The following NOTUM variants were observed in gnomAD, a reference collection of about 807,000 sequenced individuals.
The protein encoded by NOTUM is palmitoleoyl-protein carboxylesterase NOTUM.
NOTUM carries 36 observed loss-of-function variants against 65.5 expected under a neutral mutation model. That is an observed-to-expected ratio of 0.55 (90% CI 0.42 to 0.73). The LOEUF (loss-of-function observed/expected upper bound fraction) is 0.73. NOTUM is among the 30% of genes least tolerant of loss of function. The probability of loss-of-function intolerance (pLI) is 0.00; values close to 1 mark genes in which losing one functional copy is unlikely to be tolerated. For synonymous variants in NOTUM, 356 were observed against 297.9 expected (o/e 1.20, Z -2.01); for missense variants, 659 against 694.2 (o/e 0.95, Z 0.57).
chr17:81,956,780 G>A (rs373215256), intron 7 of NOTUM, 30 bp from the exon 8 acceptor site: 27 of 1,602,304 alleles, frequency 1.7e-5, no homozygotes, highest in East Asian at 2.2e-5. Context: ...TTAGGCTGCC[G>A]TGGGTCTCGT....
Position 81,957,071 on chromosome 17 carries a change from C to T in NOTUM, c.699G>A (p.Ala233=), listed in dbSNP as rs371282489. ...CATTCAGGAGCACCCCGGTGCCCCC[C>T]GCGCTGCAAGGAGGGCCAGACGTGA... ...AKVLLLAGSS[A]GGTGVLLNVD... The change falls in exon 7 of 11, where the codon GCG becomes GCA. Residue 233 remains alanine (A), a synonymous_variant. Coordinates refer to ENST00000409678, the MANE Select transcript of NOTUM (RefSeq NM_178493.6). 20 of 1,598,326 alleles carry T rather than the reference C, an allele frequency of 1.3e-5. No homozygotes were observed. Among genetic ancestry groups the T allele is most frequent in the Admixed American group, 1.7e-5 (1 of 59,704 alleles).
At chr17:81,957,971 A>G (rs1348496392) in intron 5 of NOTUM, 63 bp from the exon 6 acceptor site, 1 of 1,227,892 alleles carries the variant, frequency 8.1e-7, no homozygotes, top group Non-Finnish European at 1.2e-6. Flanking sequence ...CTCCTACCCC[A>G]GAATGGCTGG....
intron 10 of NOTUM, among the ~76,000 whole-genome samples, chr17:81,953,857 C>T (rs577568048): frequency 1.3e-5 from 2 of 151,744 alleles, no homozygotes; most frequent in Non-Finnish European, 1.5e-5. Context: ...TCTCGACTCA[C>T]CATAACCTCT....
At chr17:81,959,411 CG>C in intron 3 of NOTUM, 59 bp downstream of exon 3, 1 of 1,305,128 alleles carries the variant, frequency 7.7e-7, no homozygotes, top group South Asian at 1.3e-5. Context: ...CTCCAGGAGG[CG>C]GGCGCGGCTT....
At position 81,956,419 on chromosome 17, in the gene NOTUM, C is replaced by T. The variant is rs566370220; in HGVS notation, c.988+231G>A. Among the ~76,000 whole-genome samples the T allele has an allele frequency of 5.3e-5, 8 of 152,178 alleles. No homozygotes were observed. The East Asian group carries it at 1.4e-3, about 26-fold the overall frequency. ...GAGGGCAGGCAAGTCCCAGGCATGC[C>T]GCAGCGACTAGGCCCCCTGGCACAC... On this transcript the variant is annotated intron_variant, in intron 8 of 10. Transcript: ENST00000409678.
chr17:81,957,589 G>C (rs2041443068), intron 6 of NOTUM, among the ~76,000 whole-genome samples: 1 of 152,256 alleles, frequency 6.6e-6, no homozygotes, highest in South Asian at 2.1e-4. Flanking sequence ...CCTCTGGACA[G>C]TGTCTGGTTA....
intron 5 of NOTUM, 145 bp downstream of exon 5, chr17:81,958,190 T>C (rs911725438): frequency 3.7e-5 from 25 of 668,232 alleles, no homozygotes; most frequent in African/African-American, 3.5e-4. Context: ...TCAAGGGCTT[T>C]GAAAGCACGA....
chr17:81,954,948 TCTCTCTCTCTC>T (rs1249610373), intron 9 of NOTUM, among the ~76,000 whole-genome samples: 10 of 115,524 alleles, frequency 8.7e-5, no homozygotes, highest in Admixed American at 1.7e-4. Context: ...TCTCTCTCTC[TCTCTCTCTCTC>T]CTCTCTCTCT....
chr17:81,956,589 A>C, intron 8 of NOTUM, 61 bp downstream of exon 8: 1 of 1,186,178 alleles, frequency 8.4e-7, no homozygotes, highest in East Asian at 2.4e-5. Context: ...CTGGATTTTC[A>C]GAAGCAAGGA....
rs777755808 is a variant in NOTUM at position 81,957,871 on chromosome 17, C to A, written c.630G>T (p.Glu210Asp). The A allele has an allele frequency of 6.2e-7, 1 of 1,609,056 alleles. No homozygotes were observed. Among genetic ancestry groups the A allele is most frequent in the Non-Finnish European group, 8.5e-7 (1 of 1,178,296 alleles). ...CTCTGCCCAGAAGCTCCCGCACCAC[C>A]TCCTGGATGATGAGGGCGCCCATGA... ...YAFMGALIIQEVVRELLGRGL... is the reference protein window; with the variant it reads ...YAFMGALIIQDVVRELLGRGL... The change falls in exon 6 of 11, where the codon GAG becomes GAT. Residue 210 changes from glutamate to aspartate, a missense_variant. Transcript: ENST00000409678.
intron 3 of NOTUM, 41 bp from the exon 4 acceptor site, chr17:81,959,036 G>A (rs960690715): frequency 1.3e-6 from 2 of 1,564,370 alleles, no homozygotes; most frequent in Non-Finnish European, 1.8e-6. Context: ...GCGGGAGGAG[G>A]CTGTGTAGGG....
chr17:81,957,718 C>G (rs2041443888), intron 6 of NOTUM, 88 bp downstream of exon 6: 1 of 915,882 alleles, frequency 1.1e-6, no homozygotes, highest in Non-Finnish European at 1.7e-6. Context: ...CCATCCTCGC[C>G]TCTCATACAA....
rs372796051 is a variant in NOTUM, at chr17:81,958,967, C to T, written c.501G>A (p.Glu167=). Residue 167 remains glutamate, a synonymous_variant, in exon 4 of 11, where the codon GAG becomes GAA. Coordinates refer to ENST00000409678, the MANE Select transcript of NOTUM (RefSeq NM_178493.6). ...TTGCGTTCCACCAGTAGGGGTTCTC[C>T]TCCGGCTGTGAGGACAGGATCCCTG... ...TGTGILSSQP[E]ENPYWWNANM... 44 of 1,613,060 alleles carry T rather than the reference C, an allele frequency of 2.7e-5. No individual in the cohort carries two copies. The highest frequency in any genetic ancestry group is 3.6e-5 in the Non-Finnish European group (42 of 1,179,838).
Position 81,960,981 on chromosome 17 carries a change from G to A in NOTUM, c.-72C>T, listed in dbSNP as rs1179292485. ...CGGCGGCGGGGGATGCCGGGCCGGG[G>A]GTGCCGGGCCGGGGGTGTCGGGGGC... On this transcript the variant is annotated 5_prime_UTR_variant, in exon 1 of 11. Coordinates refer to ENST00000409678, the MANE Select transcript of NOTUM (RefSeq NM_178493.6). The surrounding 1 kb of genome is among the most constrained non-coding windows in gnomAD (Gnocchi z 6.4). The A allele has an allele frequency of 4.7e-6, 4 of 853,432 alleles. No homozygotes were observed. The highest frequency in any genetic ancestry group is 6.0e-6 in the Non-Finnish European group (4 of 671,302). The allele number at this position is 853,432 out of a possible 1,614,324, so 52.9% of individuals were successfully genotyped here.
In NOTUM at chr17:81,957,040, G is replaced by A; in HGVS notation, c.730C>T (p.Arg244Cys). ...GGTGVLLNVDRVAEQLEKLGY... is the reference protein window; with the variant it reads ...GGTGVLLNVDCVAEQLEKLGY... ...AGCTTCTCCAGCTGCTCAGCCACAC[G>A]GTCCACATTCAGGAGCACCCCGGTG... Residue 244 changes from arginine (R) to cysteine (C), a missense_variant, in exon 7 of 11, where the codon CGT becomes TGT. By Grantham distance (180) the Arg-to-Cys change is radical. Transcript: ENST00000409678. 2.5e-6 allele frequency: 4 copies of A among 1,609,114 alleles called. No homozygotes were observed. The highest frequency in any genetic ancestry group is 1.3e-5 in the African/African-American group (1 of 75,016).
rs2143944414 is a variant in NOTUM, at chr17:81,957,065, G to C, written c.705C>G (p.Gly235=). The C allele has an allele frequency of 6.2e-7, 1 of 1,600,334 alleles. No homozygotes were observed. The highest frequency in any genetic ancestry group is 1.3e-5 in the African/African-American group (1 of 74,942). The part of the protein sequence containing the change: ...VLLLAGSSAG[G]TGVLLNVDRV... ...GGTCCACATTCAGGAGCACCCCGGT[G>C]CCCCCCGCGCTGCAAGGAGGGCCAG... is the stretch of plus-strand genomic sequence containing the variant. Residue 235 remains glycine (G), a synonymous_variant, in exon 7 of 11, where the codon GGC becomes GGG. Coordinates refer to ENST00000409678, the MANE Select transcript of NOTUM (RefSeq NM_178493.6).
At position 81,958,358 on chromosome 17, in the gene NOTUM, C is replaced by G. The variant is rs763592133; in HGVS notation, c.569G>C (p.Gly190Ala). The G allele has an allele frequency of 6.2e-7, 1 of 1,610,998 alleles. No homozygotes were observed. The highest frequency in any genetic ancestry group is 8.5e-7 in the Non-Finnish European group (1 of 1,178,544). The part of the protein sequence containing the change: ...IPYCSSDVWS[G>A]ASSKSEKNEY... The stretch of plus-strand genomic sequence containing the variant: ...ACTCTTCTCAGACTTGGATGAAGCC[C>G]CGCTCCAAACATCACTGGAGCAGTA... The change falls in exon 5 of 11, where the codon GGG (glycine) becomes GCG (alanine). Residue 190 changes from glycine (G) to alanine (A), a missense_variant. Gly to Ala is a moderately conservative substitution (Grantham distance 60). Transcript: ENST00000409678.
At position 81,960,775 on chromosome 17, in the gene NOTUM, G is replaced by A; in HGVS notation, c.135C>T (p.Ala45=). 1 of 1,570,324 alleles carries A rather than the reference G, an allele frequency of 6.4e-7. No homozygotes were observed. The highest frequency in any genetic ancestry group is 8.6e-7 in the Non-Finnish European group (1 of 1,158,994). Residue 45 remains alanine (A), a synonymous_variant, in exon 1 of 11, where the codon GCC becomes GCT. Coordinates refer to ENST00000409678, the MANE Select transcript of NOTUM (RefSeq NM_178493.6). This position sits in a 1 kb window ranked among gnomAD's most constrained non-coding sequence, Gnocchi z 6.4. ...PPPRTEAAPA[A]GQPVESFPLD... ...GCGGGAAGCTCTCCACGGGCTGTCC[G>A]GCCGCCGGCGCCGCCTCGGTCCGCG... is the stretch of plus-strand genomic sequence containing the variant.
intron 5 of NOTUM, 136 bp downstream of exon 5, chr17:81,958,199 G>A (rs2041447856): frequency 1.5e-6 from 1 of 682,750 alleles, no homozygotes; most frequent in Non-Finnish European, 2.6e-6. Flanking sequence ...TTGAAAGCAC[G>A]ACAAGGCTGA....
Sources: allele counts gnomAD v4.1 joint callset (sites outside exome capture counted in the v4.1 genomes callset), GRCh38; gene constraint gnomAD v4.1.1; non-coding constraint Gnocchi (gnomAD v3.1); transcripts MANE v1.5; gene names NCBI Gene and HGNC (gene_info 2026-07-23, HGNC 2026-07-21).